FBXL17: variants seen among roughly 807,000 people sequenced by gnomAD.
FBXL17 encodes the protein F-box and leucine rich repeat protein 17, also known as F-box/LRR-repeat protein 17.
FBXL17 carries 22 observed loss-of-function variants against 66.2 expected under a neutral mutation model. The ratio of observed to expected loss-of-function variants is 0.33; its 90% CI spans 0.24 to 0.47. FBXL17 has a LOEUF of 0.47. Ranked by LOEUF, FBXL17 falls within the 20% of genes least tolerant of loss-of-function variation. The pLI is 1.00. For missense variants in FBXL17, 878 were observed against 948.2 expected (o/e 0.93, Z 0.97); for synonymous variants, 474 against 400.5 (o/e 1.18, Z -2.19).
chr5:107,953,808 C>A (rs569345590), intron 7 of FBXL17, among the ~76,000 whole-genome samples: 2 of 152,182 alleles, frequency 1.3e-5, no homozygotes, highest in Non-Finnish European at 2.9e-5. Flanking sequence ...TTATATCCAT[C>A]TTTCAAGAAC....
intron 6 of FBXL17, among the ~76,000 whole-genome samples, chr5:108,025,945 T>C (rs1435675904): frequency 6.6e-6 from 1 of 152,162 alleles, no homozygotes; most frequent in African/African-American, 2.4e-5. Context: ...TTGATTTTTC[T>C]AAAGCTCCAA....
intron 7 of FBXL17, among the ~76,000 whole-genome samples, chr5:107,991,679 T>C (rs551760178): frequency 6.6e-6 from 1 of 152,224 alleles, no homozygotes; most frequent in African/African-American, 2.4e-5. Flanking sequence ...TATTCATCCC[T>C]CCTATTCCCC....
chr5:107,938,657 A>G (rs1394626628), intron 7 of FBXL17, among the ~76,000 whole-genome samples: 2 of 152,120 alleles, frequency 1.3e-5, no homozygotes, highest in Admixed American at 6.6e-5. Context: ...AGGCACTGCA[A>G]TTTACATCTG....
chr5:108,020,261 A>C (rs1012489786), intron 7 of FBXL17, among the ~76,000 whole-genome samples: 1 of 152,028 alleles, frequency 6.6e-6, no homozygotes, highest in Admixed American at 6.6e-5. Flanking sequence ...GATTAAATAC[A>C]CAAATGGTTA....
At chr5:108,211,844 T>C (rs1396717555) in intron 5 of FBXL17, among the ~76,000 whole-genome samples, 1 of 152,224 alleles carries the variant, frequency 6.6e-6, no homozygotes, top group African/African-American at 2.4e-5. Flanking sequence ...TGTGGTGTTC[T>C]CTGTATTTCC....
intron 6 of FBXL17, among the ~76,000 whole-genome samples, chr5:108,075,103 T>A (rs286792): frequency 1.3e-5 from 2 of 152,030 alleles, no homozygotes; most frequent in Admixed American, 1.3e-4. Context: ...GCTGTGCATG[T>A]TTTTCACATG....
At chr5:108,109,950 G>C (rs1186792858) in intron 6 of FBXL17, among the ~76,000 whole-genome samples, 1 of 152,104 alleles carries the variant, frequency 6.6e-6, no homozygotes, top group African/African-American at 2.4e-5. Context: ...ATCAGAGAAA[G>C]AATTCCTTTT....
intron 4 of FBXL17, among the ~76,000 whole-genome samples, chr5:108,333,947 T>C (rs912185816): frequency 1.3e-5 from 2 of 152,198 alleles, no homozygotes; most frequent in African/African-American, 2.4e-5. Flanking sequence ...CTATGCACTT[T>C]ATATCCACCA....
chr5:108,042,052 T>C (rs1747067974), intron 6 of FBXL17, among the ~76,000 whole-genome samples: 1 of 152,158 alleles, frequency 6.6e-6, no homozygotes, highest in Admixed American at 6.5e-5. Context: ...TGTGCCACCG[T>C]GCTCGGCTAA....
At chr5:108,112,358 A>G (rs1750070532) in intron 6 of FBXL17, among the ~76,000 whole-genome samples, 1 of 152,256 alleles carries the variant, frequency 6.6e-6, no homozygotes, top group Admixed American at 6.5e-5. Flanking sequence ...GCTAATTCAC[A>G]GGGCATTGAG....
At chr5:108,172,975 T>C (rs1488785084) in intron 6 of FBXL17, among the ~76,000 whole-genome samples, 3 of 151,960 alleles carry the variant, frequency 2.0e-5, no homozygotes, top group African/African-American at 7.3e-5. Flanking sequence ...AATTTTGTAT[T>C]TTTTTAGTAA....
chr5:108,063,352 A>G (rs1367211248), intron 6 of FBXL17, among the ~76,000 whole-genome samples: 1 of 152,214 alleles, frequency 6.6e-6, no homozygotes, highest in Non-Finnish European at 1.5e-5. Context: ...GAAGCCAATA[A>G]CTAACCTTGT....
chr5:107,969,628 A>G (rs1301680590), intron 7 of FBXL17, among the ~76,000 whole-genome samples: 1 of 152,148 alleles, frequency 6.6e-6, no homozygotes, highest in Non-Finnish European at 1.5e-5. Context: ...CCTTCAGGTG[A>G]TCCACAGTCT....
chr5:108,374,466 G>T (rs1749283905), intron 1 of FBXL17, among the ~76,000 whole-genome samples: 1 of 152,114 alleles, frequency 6.6e-6, no homozygotes, highest in Admixed American at 6.6e-5. Context: ...GAGCCCAGGG[G>T]TTTAAGACCA....
At chr5:108,144,250 T>C (rs959854180) in intron 6 of FBXL17, among the ~76,000 whole-genome samples, 3 of 152,176 alleles carry the variant, frequency 2.0e-5, no homozygotes, top group Admixed American at 2.0e-4. Flanking sequence ...ATACTCATGC[T>C]ATTAGGGAAA....
intron 4 of FBXL17, among the ~76,000 whole-genome samples, chr5:108,279,697 T>C (rs1411579242): frequency 6.6e-6 from 1 of 151,768 alleles, no homozygotes; most frequent in African/African-American, 2.4e-5. Flanking sequence ...GCAAGAGGAA[T>C]CTGAAAACAA....
chr5:108,197,651 C>T (rs750040517), intron 5 of FBXL17, among the ~76,000 whole-genome samples: 28 of 152,134 alleles, frequency 1.8e-4, no homozygotes, highest in Non-Finnish European at 3.4e-4. Flanking sequence ...TAAAGCAATA[C>T]AGTCAAATCA....
At chr5:108,062,989 T>C (rs370833357) in intron 6 of FBXL17, among the ~76,000 whole-genome samples, 2 of 150,858 alleles carry the variant, frequency 1.3e-5, no homozygotes, top group Non-Finnish European at 2.9e-5. Context: ...TCTTATATAT[T>C]TACTTTTACT....
intron 7 of FBXL17, among the ~76,000 whole-genome samples, chr5:107,994,474 T>A (rs1753385610): frequency 6.6e-6 from 1 of 152,122 alleles, no homozygotes; most frequent in South Asian, 2.1e-4. Flanking sequence ...AATTAGTTTA[T>A]CTTCAGGCTG....
Sources: allele counts gnomAD v4.1 joint callset (sites outside exome capture counted in the v4.1 genomes callset), GRCh38; gene constraint gnomAD v4.1.1; transcripts MANE v1.5; gene names NCBI Gene and HGNC (gene_info 2026-07-23, HGNC 2026-07-21).